LRMDA: variants seen among roughly 807,000 people sequenced by gnomAD.
LRMDA encodes leucine rich melanocyte differentiation associated.
LRMDA carries 18 observed loss-of-function variants against 29.8 expected under a neutral mutation model. The observed-to-expected ratio is 0.60, with a 90% CI of 0.42 to 0.90. LRMDA has a LOEUF of 0.90. Ranked by LOEUF, LRMDA falls within the 40% of genes least tolerant of loss-of-function variation. The pLI is 0.00. For synonymous variants in LRMDA, 125 were observed against 109.4 expected, an observed-to-expected ratio of 1.14 and a Z score of -0.89; for missense variants, 273 against 273.9, an observed-to-expected ratio of 1.00 and a Z score of 0.02.
At chr10:76,338,113 AAAAG>A (rs1267404894) in intron 6 of LRMDA, among the ~76,000 whole-genome samples, 1 of 151,798 alleles carries the variant, frequency 6.6e-6, no homozygotes, top group African/African-American at 2.4e-5. Context: ...AACTAACTGG[AAAAG>A]AAAGAAAGGG....
At chr10:76,493,052 C>T (rs1386414463) in intron 6 of LRMDA, among the ~76,000 whole-genome samples, 3 of 152,016 alleles carry the variant, frequency 2.0e-5, no homozygotes, top group African/African-American at 7.2e-5. Context: ...TTCAAGGCCC[C>T]AGGGCTCTAC....
chr10:75,454,517 C>G (rs1844493494), intron 2 of LRMDA, among the ~76,000 whole-genome samples: 1 of 152,154 alleles, frequency 6.6e-6, no homozygotes, highest in Non-Finnish European at 1.5e-5. Context: ...GGAGGGTGCA[C>G]TGGAATTGCC....
intron 2 of LRMDA, among the ~76,000 whole-genome samples, chr10:75,853,648 T>C (rs1352461881): frequency 6.6e-6 from 1 of 152,208 alleles, no homozygotes; most frequent in African/African-American, 2.4e-5. Flanking sequence ...CATTATGTCA[T>C]GAAGTAGAAA....
At chr10:76,342,381 A>G (rs1841052552) in intron 6 of LRMDA, among the ~76,000 whole-genome samples, 1 of 152,156 alleles carries the variant, frequency 6.6e-6, no homozygotes, top group Admixed American at 6.5e-5. Flanking sequence ...GATTTAAGAT[A>G]ATTATTAGAG....
rs116225014 is a variant in LRMDA, at chr10:75,733,620, A to G, written c.131+295126A>G. On this transcript the variant is annotated intron_variant, in intron 2 of 6. Transcript: ENST00000611255. ...TGTGGCCTGTTATGGAGGCAGAATGAGAGGTCATGTGTTCATTTCTTACCT... is the reference window on the plus strand; with the variant it reads ...TGTGGCCTGTTATGGAGGCAGAATGGGAGGTCATGTGTTCATTTCTTACCT... Among the ~76,000 whole-genome samples, 214 of 152,240 alleles carry G rather than the reference A, an allele frequency of 1.4e-3. 2 individuals carry two copies. The highest frequency in any genetic ancestry group is 5.0e-3 in the African/African-American group (209 of 41,524).
At chr10:75,877,386 C>G (rs1223935504) in intron 2 of LRMDA, among the ~76,000 whole-genome samples, 2 of 152,218 alleles carry the variant, frequency 1.3e-5, no homozygotes, top group South Asian at 2.1e-4. Context: ...AATACCAGAG[C>G]TGACATAGTC....
At chr10:75,510,783 G>A (rs1156539527) in intron 2 of LRMDA, among the ~76,000 whole-genome samples, 1 of 152,160 alleles carries the variant, frequency 6.6e-6, no homozygotes. Flanking sequence ...AGAAGTTAGT[G>A]GGAGGAGATG....
chr10:75,587,769 G>C (rs1277389584), intron 2 of LRMDA, among the ~76,000 whole-genome samples: 1 of 152,256 alleles, frequency 6.6e-6, no homozygotes, highest in Admixed American at 6.5e-5. Context: ...TAACGTGATA[G>C]AGTGCTGGTC....
In LRMDA at chr10:75,690,442, C is replaced by G. The variant is rs544941446; in HGVS notation, c.131+251948C>G. On this transcript the variant is annotated intron_variant, in intron 2 of 6. Coordinates refer to ENST00000611255, the MANE Select transcript of LRMDA (RefSeq NM_001305581.2). ...ATCTCAGCCTCCCAGGCAGCTGGGA[C>G]TATAGGTGCATGCCACCATGCCAAG... Among the ~76,000 whole-genome samples the G allele has an allele frequency of 1.7e-4, 26 of 152,244 alleles. No homozygotes were observed. In the East Asian group the frequency reaches 5.0e-3, roughly 29 times the overall value.
chr10:76,408,493 C>A (rs1841925425), intron 6 of LRMDA, among the ~76,000 whole-genome samples: 1 of 152,100 alleles, frequency 6.6e-6, no homozygotes. Flanking sequence ...GCACATGGTT[C>A]TAGAAATATA....
In LRMDA at chr10:75,673,828, C is replaced by T. The variant is rs147627777; in HGVS notation, c.131+235334C>T. 5.4e-3 allele frequency among the ~76,000 whole-genome samples: 822 copies of T among 152,234 alleles called. 6 individuals are homozygous for T. Among genetic ancestry groups the T allele is most frequent in the Middle Eastern group, 0.02 (6 of 294 alleles). On this transcript the variant is annotated intron_variant, in intron 2 of 6. Coordinates refer to ENST00000611255, the MANE Select transcript of LRMDA (RefSeq NM_001305581.2). ...TTATATAGCCCTTCTTTATAACTTC[C>T]CATCTTTTCTCTCTCAAACCATTCT...
At chr10:75,559,645 C>G (rs978109960) in intron 2 of LRMDA, among the ~76,000 whole-genome samples, 29 of 149,688 alleles carry the variant, frequency 1.9e-4, no homozygotes, top group Admixed American at 1.4e-3. Flanking sequence ...AGGTTTTCTT[C>G]TAGGGTTTTT....
chr10:75,788,223 A>G (rs1589201992), intron 2 of LRMDA, among the ~76,000 whole-genome samples: 2 of 152,232 alleles, frequency 1.3e-5, no homozygotes, highest in Non-Finnish European at 1.5e-5. Context: ...TCAAAATAAC[A>G]GTGGCTTAAA....
chr10:75,621,026 T>C (rs529435632), intron 2 of LRMDA, among the ~76,000 whole-genome samples: 2 of 152,278 alleles, frequency 1.3e-5, no homozygotes, highest in South Asian at 2.1e-4. Context: ...GTCTAATGTA[T>C]CATTCTTATG....
chr10:75,750,293 A>AG (rs1274529407), intron 2 of LRMDA, among the ~76,000 whole-genome samples: 1 of 149,954 alleles, frequency 6.7e-6, no homozygotes, highest in Non-Finnish European at 1.5e-5. Context: ...CTGGCCGGGC[A>AG]GGGGCTGCCC....
At chr10:76,186,209 G>A (rs771458378) in intron 5 of LRMDA, among the ~76,000 whole-genome samples, 30 of 152,166 alleles carry the variant, frequency 2.0e-4, no homozygotes, top group Non-Finnish European at 3.7e-4. Flanking sequence ...GCCACTCACA[G>A]CAATGTGCCA....
intron 2 of LRMDA, among the ~76,000 whole-genome samples, chr10:75,665,208 C>T (rs574247204): frequency 1.2e-4 from 18 of 152,288 alleles, no homozygotes; most frequent in African/African-American, 3.8e-4. Flanking sequence ...CTGTTGTCAG[C>T]GGTAGAATTC....
intron 2 of LRMDA, among the ~76,000 whole-genome samples, chr10:75,875,672 T>C (rs889886471): frequency 1.3e-5 from 2 of 152,212 alleles, no homozygotes; most frequent in African/African-American, 4.8e-5. Context: ...CCTCAGGTGA[T>C]CCACCTGCCT....
intron 2 of LRMDA, among the ~76,000 whole-genome samples, chr10:75,806,372 G>A (rs1392208952): frequency 6.6e-6 from 1 of 152,156 alleles, no homozygotes; most frequent in Non-Finnish European, 1.5e-5. Context: ...CTTGTACTTT[G>A]CTTTAGTTGT....
Sources: allele counts gnomAD v4.1 joint callset (sites outside exome capture counted in the v4.1 genomes callset), GRCh38; gene constraint gnomAD v4.1.1; transcripts MANE v1.5; gene names NCBI Gene and HGNC (gene_info 2026-07-23, HGNC 2026-07-21).